The following HS3ST4 variants were observed in gnomAD, a reference collection of about 807,000 sequenced individuals.
The protein encoded by HS3ST4 is heparan sulfate glucosamine 3-O-sulfotransferase 4.
In HS3ST4, 17 loss-of-function variants were observed where a neutral mutation model predicts 29.2. The ratio of observed to expected loss-of-function variants is 0.58; its 90% CI spans 0.40 to 0.87. HS3ST4 has a LOEUF of 0.87. Ranked by LOEUF, HS3ST4 falls within the 40% of genes least tolerant of loss-of-function variation. The pLI is 0.00. For synonymous variants in HS3ST4, 314 were observed against 285.7 expected (o/e 1.10, Z -1.00); for missense variants, 627 against 634.5 (o/e 0.99, Z 0.13).
intron 1 of HS3ST4, among the ~76,000 whole-genome samples, chr16:25,837,025 C>T (rs1248768531): frequency 6.6e-6 from 1 of 152,188 alleles, no homozygotes; most frequent in African/African-American, 2.4e-5. Flanking sequence ...GTCCCCAGAT[C>T]TTTCCAGGTC....
intron 1 of HS3ST4, among the ~76,000 whole-genome samples, chr16:25,753,473 G>A (rs908807624): frequency 1.3e-5 from 2 of 152,142 alleles, no homozygotes; most frequent in African/African-American, 2.4e-5. Flanking sequence ...TAGTTTGTGC[G>A]AGATACTGTG....
At chr16:25,865,558 C>G (rs1392558156) in intron 1 of HS3ST4, among the ~76,000 whole-genome samples, 1 of 152,178 alleles carries the variant, frequency 6.6e-6, no homozygotes, top group Admixed American at 6.5e-5. Context: ...ATCACACTAC[C>G]TGATTTAAAA....
chr16:26,092,640 G>A (rs185069084), intron 1 of HS3ST4, among the ~76,000 whole-genome samples: 64 of 152,332 alleles, frequency 4.2e-4, no homozygotes, highest in Admixed American at 3.9e-4. Flanking sequence ...TGGCTGAATA[G>A]GAACAGCTCC....
At chr16:25,994,007 T>G (rs1056133052) in intron 1 of HS3ST4, among the ~76,000 whole-genome samples, 1 of 122,638 alleles carries the variant, frequency 8.2e-6, no homozygotes, top group Non-Finnish European at 1.8e-5. Flanking sequence ...TGTGTGTGTG[T>G]GGTGGAGAGA....
chr16:26,081,786 CTTTTTTT>C (rs56169806), intron 1 of HS3ST4, among the ~76,000 whole-genome samples: 6 of 85,002 alleles, frequency 7.1e-5, no homozygotes, highest in Admixed American at 1.5e-4. Flanking sequence ...GGAGTACATT[CTTTTTTT>C]TTTTTTTTTT....
chr16:26,025,198 G>A (rs1969455756), intron 1 of HS3ST4: 1 of 154,218 alleles, frequency 6.5e-6, no homozygotes, highest in Non-Finnish European at 1.5e-5. Flanking sequence ...AAGAGGAAAG[G>A]ACTGTAACAT....
At chr16:25,890,504 G>T (rs959792207) in intron 1 of HS3ST4, among the ~76,000 whole-genome samples, 1 of 152,180 alleles carries the variant, frequency 6.6e-6, no homozygotes, top group Non-Finnish European at 1.5e-5. Flanking sequence ...TTTCCTAGAG[G>T]TATTGATGAC....
At chr16:25,725,383 A>G (rs1048308976) in intron 1 of HS3ST4, among the ~76,000 whole-genome samples, 5 of 152,174 alleles carry the variant, frequency 3.3e-5, no homozygotes, top group African/African-American at 1.2e-4. Context: ...ATTGTACATT[A>G]TAAGAAGTTT....
chr16:25,996,373 C>A (rs1336974791), intron 1 of HS3ST4, among the ~76,000 whole-genome samples: 1 of 152,106 alleles, frequency 6.6e-6, no homozygotes, highest in Non-Finnish European at 1.5e-5. Context: ...TAGACAAATG[C>A]ATATAATTTT....
At chr16:25,732,949 C>A (rs752844166) in intron 1 of HS3ST4, among the ~76,000 whole-genome samples, 1 of 152,112 alleles carries the variant, frequency 6.6e-6, no homozygotes, top group Non-Finnish European at 1.5e-5. Context: ...AAAATGGCAA[C>A]GTCTGTCTTC....
intron 1 of HS3ST4, among the ~76,000 whole-genome samples, chr16:25,924,840 T>A: frequency 6.6e-6 from 1 of 152,174 alleles, no homozygotes; most frequent in South Asian, 2.1e-4. Flanking sequence ...ATAATGAACA[T>A]CAAGGCCCCT....
chr16:26,028,220 C>T (rs1969495332), intron 1 of HS3ST4, among the ~76,000 whole-genome samples: 1 of 143,450 alleles, frequency 7.0e-6, no homozygotes. Context: ...TTGCAGTGAG[C>T]CAAGATGGCT....
chr16:26,029,704 C>A (rs1275377349), intron 1 of HS3ST4, among the ~76,000 whole-genome samples: 1 of 152,200 alleles, frequency 6.6e-6, no homozygotes, highest in Admixed American at 6.5e-5. Flanking sequence ...AGCCACTGCG[C>A]CTGGCAATTA....
chr16:25,871,548 G>A (rs936486158), intron 1 of HS3ST4, among the ~76,000 whole-genome samples: 27 of 152,160 alleles, frequency 1.8e-4, no homozygotes, highest in African/African-American at 6.3e-4. Flanking sequence ...GGTGAACCCG[G>A]TACTTGTACG....
chr16:26,039,454 T>C (rs1423893912), intron 1 of HS3ST4, among the ~76,000 whole-genome samples: 1 of 152,192 alleles, frequency 6.6e-6, no homozygotes, highest in East Asian at 1.9e-4. Flanking sequence ...ATTTTATTTT[T>C]ATTTTATGTG....
rs182153199 is a variant in HS3ST4, at chr16:25,847,124, A to G, written c.734+153973A>G. On this transcript the variant is annotated intron_variant, in intron 1 of 1. Coordinates refer to ENST00000331351, the MANE Select transcript of HS3ST4 (RefSeq NM_006040.3). The stretch of plus-strand genomic sequence containing the variant: ...GAATTCTTAGCAGGATTACATTGAG[A>G]CAGTAGATTAATGTATGATGTTTCA... Among the ~76,000 whole-genome samples the G allele has an allele frequency of 1.1e-3, 172 of 151,962 alleles. No homozygotes were observed. In the Middle Eastern group the frequency reaches 0.014, roughly 12 times the overall value.
chr16:25,831,395 CTACACACA>C (rs762748564), intron 1 of HS3ST4, among the ~76,000 whole-genome samples: 12 of 101,556 alleles, frequency 1.2e-4, no homozygotes, highest in South Asian at 3.3e-4. Context: ...GACCCCGTCT[CTACACACA>C]CACACACACA....
intron 1 of HS3ST4, among the ~76,000 whole-genome samples, chr16:25,999,897 T>TTA (rs1555477423): frequency 0.025 from 3,325 of 131,812 alleles, 107 homozygotes; most frequent in African/African-American, 0.066. Context: ...TATATATATT[T>TTA]TATATATATA....
At chr16:26,073,828 C>T (rs1438170377) in intron 1 of HS3ST4, among the ~76,000 whole-genome samples, 1 of 152,136 alleles carries the variant, frequency 6.6e-6, no homozygotes, top group Non-Finnish European at 1.5e-5. Context: ...CTACCTGTGT[C>T]ACTTTTGGGT....
Sources: gnomAD v4.1 joint callset for allele counts (sites outside exome capture counted in the v4.1 genomes callset) on GRCh38, gnomAD v4.1.1 for gene constraint, MANE v1.5 for transcripts, NCBI Gene and HGNC (gene_info 2026-07-23, HGNC 2026-07-21) for gene names.